XKR4: variants seen among roughly 807,000 people sequenced by gnomAD.
XKR4 encodes the protein XK-related protein 4.
A neutral mutation model predicts 53.9 loss-of-function variants in XKR4; 12 were observed. The ratio of observed to expected loss-of-function variants is 0.22; its 90% CI spans 0.14 to 0.36. The LOEUF is 0.36. Among genes scored for constraint, XKR4 ranks in the 10% least tolerant of loss-of-function variants. XKR4 has a pLI of 1.00. For synonymous variants in XKR4, 354 were observed against 362.4 expected, an observed-to-expected ratio of 0.98 and a Z score of 0.26; for missense variants, 799 against 859.5, an observed-to-expected ratio of 0.93 and a Z score of 0.88.
intron 2 of XKR4, among the ~76,000 whole-genome samples, chr8:55,522,700 T>C (rs1806813865): frequency 6.6e-6 from 1 of 152,168 alleles, no homozygotes; most frequent in Admixed American, 6.5e-5. Context: ...GGGTAGTAAG[T>C]GGCAAAGTTG....
chr8:55,154,375 A>G (rs1816878254), intron 1 of XKR4, among the ~76,000 whole-genome samples: 1 of 152,206 alleles, frequency 6.6e-6, no homozygotes, highest in Non-Finnish European at 1.5e-5. Context: ...TCCATATAAT[A>G]TCAATCATAT....
intron 1 of XKR4, among the ~76,000 whole-genome samples, chr8:55,347,003 T>A (rs1007057635): frequency 2.6e-5 from 4 of 152,232 alleles, no homozygotes. Flanking sequence ...CGGTCAAATC[T>A]TATTTAGGGA....
At chr8:55,366,318 C>T (rs1803985667) in intron 2 of XKR4, among the ~76,000 whole-genome samples, 1 of 152,236 alleles carries the variant, frequency 6.6e-6, no homozygotes, top group Non-Finnish European at 1.5e-5. Flanking sequence ...CTGCTCCCAG[C>T]TGAGAAACTT....
intron 1 of XKR4, among the ~76,000 whole-genome samples, chr8:55,356,918 A>C (rs1223177684): frequency 6.6e-6 from 1 of 152,212 alleles, no homozygotes; most frequent in Non-Finnish European, 1.5e-5. Context: ...ATCCACTTCA[A>C]CTTAATAGAT....
In XKR4 at chr8:55,453,867, T is replaced by TG. The variant is rs767130608; in HGVS notation, c.1007-69410dup. On this transcript the variant is annotated intron_variant, in intron 2 of 2. Transcript: ENST00000327381. ...GCCACCAGCTCATCAAACAGGTCCG[T>TG]GGGGCAGTACGGGACCCCACACTCC... is the stretch of plus-strand genomic sequence containing the variant. 3.3e-5 allele frequency: 18 copies of TG among 547,960 alleles called. 1 individual carries two copies. Among genetic ancestry groups the TG allele is most frequent in the Non-Finnish European group, 3.9e-5 (11 of 284,064 alleles). The allele number at this position is 547,960 out of a possible 1,614,324, so 33.9% of individuals were successfully genotyped here.
At chr8:55,238,983 T>C (rs1454961531) in intron 1 of XKR4, among the ~76,000 whole-genome samples, 1 of 152,218 alleles carries the variant, frequency 6.6e-6, no homozygotes, top group Non-Finnish European at 1.5e-5. Flanking sequence ...ACTCCACTAG[T>C]TGCTGACACA....
At chr8:55,371,531 A>G (rs996975669) in intron 2 of XKR4, among the ~76,000 whole-genome samples, 2 of 152,216 alleles carry the variant, frequency 1.3e-5, no homozygotes, top group Admixed American at 6.5e-5. Context: ...AAATAGATCA[A>G]TAAAATAGTA....
intron 1 of XKR4, among the ~76,000 whole-genome samples, chr8:55,337,091 T>G (rs938596113): frequency 6.6e-6 from 1 of 152,158 alleles, no homozygotes; most frequent in African/African-American, 2.4e-5. Context: ...CTGGCCAGCC[T>G]TTACCCAACA....
intron 2 of XKR4, among the ~76,000 whole-genome samples, chr8:55,358,316 TGAGA>T (rs146433334): frequency 2.7e-5 from 4 of 150,216 alleles, no homozygotes; most frequent in South Asian, 2.1e-4. Flanking sequence ...CTTTTGATGT[TGAGA>T]GAGAGAGAGA....
chr8:55,446,203 A>G (rs1805344172), intron 2 of XKR4, among the ~76,000 whole-genome samples: 1 of 152,174 alleles, frequency 6.6e-6, no homozygotes, highest in South Asian at 2.1e-4. Flanking sequence ...CATCACGTGG[A>G]GGTACCTGGC....
rs1036652909 is a variant in XKR4, at chr8:55,525,163, G to A, written c.*936G>A. 1 of 152,630 alleles carries A rather than the reference G, an allele frequency of 6.6e-6. No individual in the cohort carries two copies. Among genetic ancestry groups the A allele is most frequent in the Non-Finnish European group, 1.5e-5 (1 of 68,058 alleles). 9.5% of individuals were successfully genotyped at this position (152,630 alleles called of 1,614,324 possible). ...GAGCCAGAGGAATGGGCTGGAACCG[G>A]ATCTGTTTCCAGACGCAGAATGAGT... is the stretch of plus-strand genomic sequence containing the variant. On this transcript the variant is annotated 3_prime_UTR_variant, in exon 3 of 3. Coordinates refer to ENST00000327381, the MANE Select transcript of XKR4 (RefSeq NM_052898.2).
intron 2 of XKR4, chr8:55,451,692 GC>G: frequency 7.0e-7 from 1 of 1,431,390 alleles, no homozygotes; most frequent in Non-Finnish European, 9.8e-7. Flanking sequence ...CCGGGTACCT[GC>G]GGTAGATGGC....
intron 1 of XKR4, among the ~76,000 whole-genome samples, chr8:55,330,428 C>T (rs868368512): frequency 6.6e-6 from 1 of 152,048 alleles, no homozygotes; most frequent in Admixed American, 6.6e-5. Context: ...ATATCTGACA[C>T]ATGGTAAGCA....
chr8:55,347,378 C>T (rs541210613), intron 1 of XKR4, among the ~76,000 whole-genome samples: 4 of 152,188 alleles, frequency 2.6e-5, no homozygotes, highest in South Asian at 2.1e-4. Flanking sequence ...TATAGGTGTC[C>T]GTGTGCATGG....
At chr8:55,478,422 C>G (rs1448904601) in intron 2 of XKR4, among the ~76,000 whole-genome samples, 1 of 151,996 alleles carries the variant, frequency 6.6e-6, no homozygotes, top group African/African-American at 2.4e-5. Context: ...AAAGGAACAA[C>G]CGGTACCAGC....
At chr8:55,430,782 T>C (rs1246485776) in intron 2 of XKR4, among the ~76,000 whole-genome samples, 3 of 152,218 alleles carry the variant, frequency 2.0e-5, no homozygotes, top group Non-Finnish European at 4.4e-5. Context: ...CCTTGGCTTG[T>C]AGCTGCCTGT....
At position 55,159,092 on chromosome 8, in the gene XKR4, G is replaced by A. The variant is rs144795179; in HGVS notation, c.806+55798G>A. ...GCAGTATGGCCATTTAAACAAGATTGATTCATTCTGTTCATGAGTATGGCA... is the reference window on the plus strand; with the variant it reads ...GCAGTATGGCCATTTAAACAAGATTAATTCATTCTGTTCATGAGTATGGCA... On this transcript the variant is annotated intron_variant, in intron 1 of 2. Transcript: ENST00000327381. Among the ~76,000 whole-genome samples, 14 of 152,260 alleles carry A rather than the reference G, an allele frequency of 9.2e-5. No individual in the cohort carries two copies. The East Asian group carries it at 2.7e-3, about 29-fold the overall frequency.
At chr8:55,441,436 A>T (rs1222910815) in intron 2 of XKR4, among the ~76,000 whole-genome samples, 1 of 152,226 alleles carries the variant, frequency 6.6e-6, no homozygotes, top group Non-Finnish European at 1.5e-5. Context: ...AGCTCTCAGT[A>T]AATAATAGAT....
At chr8:55,190,050 C>A (rs980719094) in intron 1 of XKR4, among the ~76,000 whole-genome samples, 10 of 152,208 alleles carry the variant, frequency 6.6e-5, no homozygotes, top group African/African-American at 2.4e-4. Flanking sequence ...TATTGCTAGA[C>A]TGAATCCACC....
Sources: gnomAD v4.1 joint callset for allele counts (sites outside exome capture counted in the v4.1 genomes callset) on GRCh38, gnomAD v4.1.1 for gene constraint, MANE v1.5 for transcripts, NCBI Gene and HGNC (gene_info 2026-07-23, HGNC 2026-07-21) for gene names.